MYO18B: variants seen among roughly 807,000 people sequenced by gnomAD.
MYO18B encodes myosin XVIIIB.
Under a neutral mutation model 273.0 loss-of-function variants are expected in MYO18B, and 204 were observed. That is an observed-to-expected ratio of 0.75 (90% confidence interval 0.67 to 0.84). MYO18B has a LOEUF of 0.84. Ranked by LOEUF, MYO18B falls within the 40% of genes least tolerant of loss-of-function variation. The pLI is 0.00. For missense variants in MYO18B, 3,212 were observed against 3,287.6 expected (o/e 0.98, Z 0.56); for synonymous variants, 1,330 against 1,305.7 (o/e 1.02, Z -0.40).
At chr22:25,972,513 C>T (rs2093046343) in intron 39 of MYO18B, among the ~76,000 whole-genome samples, 1 of 152,196 alleles carries the variant, frequency 6.6e-6, no homozygotes, top group South Asian at 2.1e-4. Flanking sequence ...TGTAGAGTCT[C>T]AGGCTCAGCC....
chr22:25,847,078 CA>C (rs35672001), intron 19 of MYO18B, among the ~76,000 whole-genome samples: 107 of 139,234 alleles, frequency 7.7e-4, no homozygotes, highest in Middle Eastern at 3.8e-3. Flanking sequence ...GACTCTGTCT[CA>C]AAAAAAAAAA....
At chr22:25,773,161 A>G (rs901840457) in intron 7 of MYO18B, among the ~76,000 whole-genome samples, 1 of 152,202 alleles carries the variant, frequency 6.6e-6, no homozygotes, top group Non-Finnish European at 1.5e-5. Flanking sequence ...CAGCCGAGTC[A>G]TTGAAGCGTG....
rs767499882 is a variant in MYO18B at position 25,846,228 on chromosome 22, G to A, written c.3497G>A (p.Ser1166Asn). Reference protein sequence around the residue: ...RSRMVRRTFASSLAAVRRKAP... With the variant: ...RSRMVRRTFANSLAAVRRKAP... ...CGCATGGTGAGGAGGACCTTTGCCA[G>A]CAGCCTTGCCGCGGTGAGGAGGAAA... Residue 1166 changes from serine (S) to asparagine (N), a missense_variant, in exon 19 of 44, where the codon AGC becomes AAC. Coordinates refer to ENST00000335473, the MANE Select transcript of MYO18B (RefSeq NM_032608.7). 1.2e-6 allele frequency: 2 copies of A among 1,612,256 alleles called. No homozygotes were observed. The highest frequency in any genetic ancestry group is 4.5e-5 in the East Asian group (2 of 44,892).
chr22:25,921,393 A>G lies in MYO18B; in HGVS notation c.5501A>G (p.Glu1834Gly). The G allele has an allele frequency of 6.2e-7, 1 of 1,601,998 alleles. No homozygotes were observed. The highest frequency in any genetic ancestry group is 8.5e-7 in the Non-Finnish European group (1 of 1,174,448). Residue 1834 changes from glutamate (E) to glycine (G), a missense_variant, in exon 34 of 44, where the codon GAG becomes GGG. By Grantham distance (98) the Glu-to-Gly change is moderately conservative. Coordinates refer to ENST00000335473, the MANE Select transcript of MYO18B (RefSeq NM_032608.7). Reference protein sequence around the residue: ...GKTSVSKEELEKVHSQLEQSE... With the variant: ...GKTSVSKEELGKVHSQLEQSE... ...ACATCAGTCAGCAAGGAGGAGCTGG[A>G]GAAAGTGCACAGCCAGGTGGGTGTC...
At chr22:25,845,723 A>G (rs2090220801) in intron 18 of MYO18B, among the ~76,000 whole-genome samples, 1 of 152,186 alleles carries the variant, frequency 6.6e-6, no homozygotes, top group African/African-American at 2.4e-5. Flanking sequence ...GCACGTGCCT[A>G]CTGTGTGCTA....
intron 34 of MYO18B, among the ~76,000 whole-genome samples, chr22:25,944,635 G>A (rs570082034): frequency 2.6e-5 from 4 of 152,224 alleles, no homozygotes; most frequent in Admixed American, 2.6e-4. Flanking sequence ...AGATCACAAG[G>A]TCAGGAGTTC....
rs151073179 is a variant in MYO18B at position 25,743,086 on chromosome 22, C to T, written c.-110+793C>T. ...ATGGAGGAGGCCAGGAGTGGGGAGG[C>T]CCGGAATGGGGAGCCCAGTCGGCTC... On this transcript the variant is annotated intron_variant, in intron 1 of 43. Coordinates refer to ENST00000335473, the MANE Select transcript of MYO18B (RefSeq NM_032608.7). Among the ~76,000 whole-genome samples the T allele has an allele frequency of 5.0e-3, 764 of 152,348 alleles. 8 individuals carry two copies. Among genetic ancestry groups the T allele is most frequent in the African/African-American group, 0.018 (739 of 41,578 alleles).
rs186944261 is a variant in MYO18B, at chr22:25,921,904, G to A, written c.5517+495G>A. Among the ~76,000 whole-genome samples, 4 of 151,918 alleles carry A rather than the reference G, an allele frequency of 2.6e-5. No individual in the cohort carries two copies. The East Asian group carries it at 5.8e-4, about 22-fold the overall frequency. On this transcript the variant is annotated intron_variant, in intron 34 of 43. Coordinates refer to ENST00000335473, the MANE Select transcript of MYO18B (RefSeq NM_032608.7). ...AGCCAAATAGCAATAGTGCAATAGT[G>A]CCAGTCATGCAAAACCAATGCTTAA...
intron 19 of MYO18B, among the ~76,000 whole-genome samples, chr22:25,847,213 C>T (rs937848271): frequency 6.6e-6 from 1 of 152,212 alleles, no homozygotes; most frequent in African/African-American, 2.4e-5. Context: ...TGGGGCCACT[C>T]ACTTGCTCTC....
At position 25,956,599 on chromosome 22, in the gene MYO18B, ACAGGTCACAGAG is replaced by A. The variant is rs564315597; in HGVS notation, c.6156+1238_6156+1249del. ...TGTGTTGTTCTAAGAAGTTTTCTGC[ACAGGTCACAGAG>A]CATCTAAGAGTGACTGTTCCACTTT... On this transcript the variant is annotated intron_variant, in intron 39 of 43. Transcript: ENST00000335473. Among the ~76,000 whole-genome samples the A allele has an allele frequency of 1.7e-3, 263 of 152,290 alleles. 1 individual carries two copies. Among genetic ancestry groups the A allele is most frequent in the African/African-American group, 6.2e-3 (257 of 41,564 alleles).
intron 17 of MYO18B, among the ~76,000 whole-genome samples, chr22:25,835,730 G>A (rs1485590164): frequency 6.6e-6 from 1 of 152,238 alleles, no homozygotes; most frequent in Admixed American, 6.5e-5. Context: ...CGTGCACAGT[G>A]AGCCTGCAAC....
At chr22:25,785,841 A>C (rs2087361764) in intron 11 of MYO18B, among the ~76,000 whole-genome samples, 1 of 152,178 alleles carries the variant, frequency 6.6e-6, no homozygotes, top group South Asian at 2.1e-4. Context: ...TGATAGTAGC[A>C]GTATCTGCCT....
intron 34 of MYO18B, among the ~76,000 whole-genome samples, chr22:25,943,789 G>A (rs571539124): frequency 1.4e-5 from 2 of 143,682 alleles, no homozygotes; most frequent in South Asian, 2.2e-4. Context: ...GTGCGATCTC[G>A]GCTCACTGCA....
intron 34 of MYO18B, 77 bp downstream of exon 34, chr22:25,921,486 G>C (rs2092341416): frequency 6.7e-7 from 1 of 1,503,434 alleles, no homozygotes; most frequent in African/African-American, 1.4e-5. Context: ...GTCCCTCCCA[G>C]GTATGAGCGG....
intron 38 of MYO18B, among the ~76,000 whole-genome samples, chr22:25,953,336 T>C (rs1007757847): frequency 2.0e-5 from 3 of 152,218 alleles, no homozygotes; most frequent in Non-Finnish European, 2.9e-5. Context: ...AGTGACTTGC[T>C]GAAGATAAAG....
chr22:25,966,935 C>G (rs1449358188), intron 39 of MYO18B, among the ~76,000 whole-genome samples: 1 of 152,156 alleles, frequency 6.6e-6, no homozygotes, highest in Non-Finnish European at 1.5e-5. Flanking sequence ...GATGAGTTAT[C>G]CTGATAATAA....
chr22:25,799,439 T>C (rs5752211), intron 12 of MYO18B, among the ~76,000 whole-genome samples: 3,126 of 152,270 alleles, frequency 0.021, 78 homozygotes, highest in East Asian at 0.11. Context: ...TCTGCCTTCA[T>C]GGGGCCTTTG....
chr22:25,950,302 T>G, intron 36 of MYO18B, 65 bp from the exon 37 acceptor site: 1 of 1,379,784 alleles, frequency 7.2e-7, no homozygotes, highest in Non-Finnish European at 9.9e-7. Flanking sequence ...TTTTCAGGGG[T>G]GGTTTCCCAG....
intron 42 of MYO18B, 105 bp downstream of exon 42, chr22:26,004,960 C>T: frequency 7.0e-7 from 1 of 1,437,930 alleles, no homozygotes; most frequent in Non-Finnish European, 9.5e-7. Flanking sequence ...TAGGCAAAAA[C>T]AAGCATGGTC....
Sources: allele counts gnomAD v4.1 joint callset (sites outside exome capture counted in the v4.1 genomes callset), GRCh38; gene constraint gnomAD v4.1.1; transcripts MANE v1.5; gene names NCBI Gene and HGNC (gene_info 2026-07-23, HGNC 2026-07-21).